Variants in GPM6A observed in about 807,000 individuals in gnomAD.
GPM6A encodes glycoprotein M6A, also known as neuronal membrane glycoprotein M6-a.
In GPM6A, 7 loss-of-function variants were observed where a neutral mutation model predicts 32.1. That is an observed-to-expected ratio of 0.22 (90% confidence interval 0.12 to 0.41). The LOEUF (loss-of-function observed/expected upper bound fraction) is 0.41, where lower values mean the gene tolerates loss of function less well. Among genes scored for constraint, GPM6A ranks in the 10% least tolerant of loss-of-function variants. The pLI is 1.00. For missense variants in GPM6A, 235 were observed against 347.2 expected (o/e 0.68, Z 2.57); for synonymous variants, 130 against 123.4 (o/e 1.05, Z -0.35).
chr4:175,759,978 G>C (rs922011056), intron 1 of GPM6A, among the ~76,000 whole-genome samples: 3 of 152,036 alleles, frequency 2.0e-5, no homozygotes, highest in Non-Finnish European at 4.4e-5. Context: ...TCAGGATTTA[G>C]AGACCAGCCT....
chr4:175,931,879 G>A (rs2126311948), intron 1 of GPM6A, among the ~76,000 whole-genome samples: 1 of 152,084 alleles, frequency 6.6e-6, no homozygotes, highest in South Asian at 2.1e-4. Context: ...GAGGCTGGGA[G>A]TTCAGGACCA....
intron 1 of GPM6A, among the ~76,000 whole-genome samples, chr4:175,819,926 C>T (rs1395317705): frequency 6.6e-6 from 1 of 152,030 alleles, no homozygotes; most frequent in Non-Finnish European, 1.5e-5. Context: ...AAAGAACTTA[C>T]GATTGAAGTT....
intron 1 of GPM6A, among the ~76,000 whole-genome samples, chr4:175,875,679 T>G (rs1737063673): frequency 6.6e-6 from 1 of 152,208 alleles, no homozygotes; most frequent in Admixed American, 6.5e-5. Flanking sequence ...CCATCTCATA[T>G]GCCAACTAAA....
chr4:175,979,804 A>G (rs1360222001), intron 1 of GPM6A, among the ~76,000 whole-genome samples: 1 of 152,174 alleles, frequency 6.6e-6, no homozygotes, highest in Admixed American at 6.5e-5. Context: ...TCTATTTACC[A>G]CTAAGTTAAT....
At chr4:176,001,347 G>A (rs1741474102) in intron 1 of GPM6A, among the ~76,000 whole-genome samples, 1 of 152,126 alleles carries the variant, frequency 6.6e-6, no homozygotes, top group Non-Finnish European at 1.5e-5. Flanking sequence ...AACGCAGTCG[G>A]CAACCGCGGA....
At chr4:175,986,359 A>T (rs1317621635) in intron 1 of GPM6A, among the ~76,000 whole-genome samples, 1 of 151,990 alleles carries the variant, frequency 6.6e-6, no homozygotes, top group East Asian at 1.9e-4. Context: ...ACATAGTGAG[A>T]CCCTATCACT....
intron 1 of GPM6A, among the ~76,000 whole-genome samples, chr4:175,936,306 CAAAAAAAAAAAAAAAAAA>C (rs35653197): frequency 4.8e-4 from 22 of 45,598 alleles, no homozygotes; most frequent in African/African-American, 1.6e-3. Context: ...ACTCTGTCTC[CAAAAAAAAAAAAAAAAAA>C]AAAAAAAAAA....
chr4:175,838,200 T>C (rs1007602152), intron 1 of GPM6A, among the ~76,000 whole-genome samples: 13 of 150,862 alleles, frequency 8.6e-5, no homozygotes, highest in African/African-American at 3.2e-4. Flanking sequence ...AGAAAAGGGA[T>C]TGAGAGAAAG....
intron 1 of GPM6A, among the ~76,000 whole-genome samples, chr4:175,974,872 A>G (rs1357276471): frequency 6.6e-6 from 1 of 152,070 alleles, no homozygotes; most frequent in Non-Finnish European, 1.5e-5. Flanking sequence ...TTGTAGAGAC[A>G]GGGGTCTCCC....
chr4:175,721,462 C>T (rs1016025064), intron 1 of GPM6A, among the ~76,000 whole-genome samples: 10 of 150,198 alleles, frequency 6.7e-5, no homozygotes, highest in Admixed American at 2.0e-4. Context: ...GGTGACAGAG[C>T]GAGACTCCGT....
chr4:175,918,840 A>C (rs1579626648), intron 1 of GPM6A, among the ~76,000 whole-genome samples: 2 of 152,176 alleles, frequency 1.3e-5, no homozygotes, highest in African/African-American at 2.4e-5. Flanking sequence ...ATTAATAAGA[A>C]GGAATTATCA....
chr4:175,895,517 A>T (rs1393293337), intron 1 of GPM6A, among the ~76,000 whole-genome samples: 1 of 152,210 alleles, frequency 6.6e-6, no homozygotes, highest in Admixed American at 6.5e-5. Context: ...TTGAAAACAC[A>T]GATGAGGAAA....
intron 1 of GPM6A, among the ~76,000 whole-genome samples, chr4:175,919,764 A>C (rs1237174455): frequency 6.6e-6 from 1 of 152,194 alleles, no homozygotes; most frequent in Admixed American, 6.5e-5. Context: ...ACAGTTATTG[A>C]CCAAGTTATG....
chr4:175,950,518 G>A (rs2126372624), intron 1 of GPM6A, among the ~76,000 whole-genome samples: 1 of 152,198 alleles, frequency 6.6e-6, no homozygotes, highest in South Asian at 2.1e-4. Context: ...TCCAGGAAAG[G>A]AATTGCAAGA....
chr4:175,739,463 C>T (rs1731793639), intron 1 of GPM6A, among the ~76,000 whole-genome samples: 1 of 152,034 alleles, frequency 6.6e-6, no homozygotes, highest in South Asian at 2.1e-4. Context: ...ATGACTAATG[C>T]CTGTAGCTTA....
At chr4:175,902,511 T>C (rs1286292447) in intron 1 of GPM6A, among the ~76,000 whole-genome samples, 3 of 152,116 alleles carry the variant, frequency 2.0e-5, no homozygotes, top group African/African-American at 7.2e-5. Context: ...TTTCCTTTCT[T>C]TGTCACCATA....
intron 1 of GPM6A, among the ~76,000 whole-genome samples, chr4:175,982,810 T>C (rs905959176): frequency 1.2e-4 from 18 of 152,208 alleles, no homozygotes; most frequent in Admixed American, 4.6e-4. Flanking sequence ...ACTGAATCTA[T>C]AGATAGGTTT....
At chr4:175,672,320 C>G (rs544268591) in intron 3 of GPM6A, among the ~76,000 whole-genome samples, 10 of 152,186 alleles carry the variant, frequency 6.6e-5, no homozygotes, top group Non-Finnish European at 1.3e-4. Flanking sequence ...AAATGATCCT[C>G]ATTTTGTAAA....
At chr4:175,921,262 A>G (rs1272899555) in intron 1 of GPM6A, among the ~76,000 whole-genome samples, 1 of 152,180 alleles carries the variant, frequency 6.6e-6, no homozygotes, top group Non-Finnish European at 1.5e-5. Context: ...AATCATCTCC[A>G]ATCTTCAATT....
Sources: allele counts gnomAD v4.1 joint callset (sites outside exome capture counted in the v4.1 genomes callset), GRCh38; gene constraint gnomAD v4.1.1; transcripts MANE v1.5; gene names NCBI Gene and HGNC (gene_info 2026-07-23, HGNC 2026-07-21).